Variants in RGS5 observed in about 807,000 individuals in gnomAD.
The protein encoded by RGS5 is regulator of G protein signaling 5, also known as regulator of G-protein signalling 5.
RGS5 carries 20 observed loss-of-function variants against 18.9 expected under a neutral mutation model. The observed-to-expected ratio is 1.06, with a 90% CI of 0.74 to 1.54. The LOEUF is 1.54. RGS5 is among the 40% of genes most tolerant of loss of function. RGS5 has a pLI of 0.00. For synonymous variants in RGS5, 57 were observed against 76.2 expected (o/e 0.75, Z 1.31); for missense variants, 201 against 211.8 (o/e 0.95, Z 0.32).
chr1:163,224,525 A>C (rs1647293903), intron 2 of RGS5, among the ~76,000 whole-genome samples: 1 of 152,206 alleles, frequency 6.6e-6, no homozygotes, highest in Admixed American at 6.5e-5. Flanking sequence ...GAGTGCAGAT[A>C]TCTCTTCGAC....
chr1:163,234,543 GTTCC>G (rs1647570751), intron 2 of RGS5, among the ~76,000 whole-genome samples: 3 of 152,044 alleles, frequency 2.0e-5, no homozygotes, highest in African/African-American at 7.2e-5. Context: ...GACTTTAAGT[GTTCC>G]TTCCTCTTTT....
chr1:163,164,620 C>T (rs529186674), intron 2 of RGS5, among the ~76,000 whole-genome samples: 14 of 152,256 alleles, frequency 9.2e-5, no homozygotes, highest in Admixed American at 8.5e-4. Flanking sequence ...CATCAATCCA[C>T]CTTGCAATAA....
chr1:163,258,736 T>G (rs1026439017), intron 2 of RGS5, among the ~76,000 whole-genome samples: 4 of 152,040 alleles, frequency 2.6e-5, no homozygotes, highest in African/African-American at 9.7e-5. Context: ...GGTGCAATGA[T>G]AGCTCACTGC....
upstream of RGS5, chr1:163,217,733 T>G (rs1660249794): frequency 8.4e-7 from 1 of 1,188,978 alleles, no homozygotes; most frequent in Non-Finnish European, 1.1e-6. Context: ...AGCTACTGAC[T>G]AAAAGTATCC....
chr1:163,170,773 T>TC (rs1333843506), intron 1 of RGS5, among the ~76,000 whole-genome samples: 2 of 152,100 alleles, frequency 1.3e-5, no homozygotes, highest in African/African-American at 4.8e-5. Flanking sequence ...CCAACTCAGG[T>TC]CCCATAGTAC....
intron 1 of RGS5, among the ~76,000 whole-genome samples, chr1:163,193,922 T>C (rs1315075947): frequency 1.3e-5 from 2 of 152,146 alleles, no homozygotes; most frequent in African/African-American, 4.8e-5. Flanking sequence ...GGAGAAAATG[T>C]AGTGTAGTAT....
At chr1:163,180,195 C>T (rs1486614808) in intron 1 of RGS5, among the ~76,000 whole-genome samples, 1 of 152,166 alleles carries the variant, frequency 6.6e-6, no homozygotes, top group African/African-American at 2.4e-5. Context: ...AGTCTGGTCT[C>T]AAATGCCTGA....
rs530899508 is a variant in RGS5 at position 163,172,471 on chromosome 1, T to C, written c.45-4103A>G. ...CTATATCACTGCTTAAATAGAGTTT[T>C]TTGTGGAATGATCTAGAAATCAACT... On this transcript the variant is annotated intron_variant, in intron 1 of 4. Coordinates refer to ENST00000313961, the MANE Select transcript of RGS5 (RefSeq NM_003617.4). The C allele has an allele frequency of 1.3e-4, 192 of 1,444,260 alleles. 2 individuals carry two copies. The African/African-American group carries it at 2.6e-3, about 19-fold the overall frequency. 89.5% of individuals were successfully genotyped at this position (1,444,260 alleles called of 1,614,324 possible). A position where few individuals can be genotyped will look rare whatever the true frequency, so the allele number is the denominator to read the frequency against.
At chr1:163,286,041 T>C (rs1199143891) in intron 2 of RGS5, among the ~76,000 whole-genome samples, 3 of 150,702 alleles carry the variant, frequency 2.0e-5, no homozygotes, top group African/African-American at 4.9e-5. Flanking sequence ...CACCCCACTA[T>C]ATATATATAT....
chr1:163,224,305 T>C (rs1293390918), intron 2 of RGS5, among the ~76,000 whole-genome samples: 1 of 152,196 alleles, frequency 6.6e-6, no homozygotes, highest in Non-Finnish European at 1.5e-5. Context: ...CATGTGGTAT[T>C]TGTTTTTCTG....
At chr1:163,176,874 A>T (rs1261757491) in intron 1 of RGS5, among the ~76,000 whole-genome samples, 2 of 152,210 alleles carry the variant, frequency 1.3e-5, no homozygotes, top group East Asian at 1.9e-4. Flanking sequence ...AGCTGGTTGT[A>T]ATCACTACAA....
chr1:163,281,165 C>CT (rs1256700352), intron 2 of RGS5, among the ~76,000 whole-genome samples: 8 of 152,256 alleles, frequency 5.3e-5, no homozygotes, highest in South Asian at 2.1e-4. Context: ...CTTGCTCCTC[C>CT]TTGCCTTCCA....
At chr1:163,183,659 T>G (rs1477554515) in intron 1 of RGS5, among the ~76,000 whole-genome samples, 1 of 152,188 alleles carries the variant, frequency 6.6e-6, no homozygotes, top group Non-Finnish European at 1.5e-5. Context: ...TTAAATTAGA[T>G]AATATCAAAT....
intron 2 of RGS5, among the ~76,000 whole-genome samples, chr1:163,226,254 G>A (rs1215374812): frequency 2.6e-5 from 4 of 152,150 alleles, no homozygotes; most frequent in Admixed American, 1.3e-4. Context: ...TAAGAGAAAG[G>A]ATTTAATACG....
intron 2 of RGS5, among the ~76,000 whole-genome samples, chr1:163,258,614 C>T (rs575410531): frequency 6.6e-6 from 1 of 151,820 alleles, no homozygotes; most frequent in African/African-American, 2.4e-5. Flanking sequence ...ACACCCTTGT[C>T]TTCAAGAGGA....
At chr1:163,310,308 C>A (rs1356599905) in intron 1 of RGS5, among the ~76,000 whole-genome samples, 1 of 152,118 alleles carries the variant, frequency 6.6e-6, no homozygotes, top group Non-Finnish European at 1.5e-5. Flanking sequence ...TTAGATGGGC[C>A]AGGTGCGGTG....
At chr1:163,165,071 C>G (rs965652152) in intron 2 of RGS5, among the ~76,000 whole-genome samples, 1 of 152,130 alleles carries the variant, frequency 6.6e-6, no homozygotes, top group African/African-American at 2.4e-5. Context: ...GTGACCTGGG[C>G]ATCACGGTTG....
At chr1:163,287,246 T>G (rs1252624677) in intron 2 of RGS5, among the ~76,000 whole-genome samples, 2 of 152,216 alleles carry the variant, frequency 1.3e-5, no homozygotes, top group African/African-American at 4.8e-5. Context: ...AGTTTCTCTA[T>G]GTAGAATGCT....
At chr1:163,253,472 C>CTTT (rs35268118) in intron 2 of RGS5, among the ~76,000 whole-genome samples, 1 of 137,716 alleles carries the variant, frequency 7.3e-6, no homozygotes, top group Admixed American at 7.3e-5. Context: ...CCATGCCCAA[C>CTTT]TTTTTTTTTT....
Sources: gnomAD v4.1 joint callset for allele counts (sites outside exome capture counted in the v4.1 genomes callset) on GRCh38, gnomAD v4.1.1 for gene constraint, MANE v1.5 for transcripts, NCBI Gene and HGNC (gene_info 2026-07-23, HGNC 2026-07-21) for gene names.